The following DAB1 variants were observed in gnomAD, a reference collection of about 807,000 sequenced individuals.
The protein encoded by DAB1 is disabled homolog 1.
A neutral mutation model predicts 64.6 loss-of-function variants in DAB1; 15 were observed. The observed-to-expected ratio is 0.23, with a 90% CI of 0.16 to 0.36. The LOEUF is 0.36. Ranked by LOEUF, DAB1 falls within the 10% of genes least tolerant of loss-of-function variation. The pLI, the probability that DAB1 is intolerant of heterozygous loss-of-function variation, is 1.00. For missense variants in DAB1, 596 were observed against 706.7 expected (o/e 0.84, Z 1.78); for synonymous variants, 235 against 251.9 (o/e 0.93, Z 0.64).
chr1:58,042,228 T>G (rs1312190517), intron 5 of DAB1, among the ~76,000 whole-genome samples: 3 of 152,240 alleles, frequency 2.0e-5, no homozygotes, highest in Non-Finnish European at 4.4e-5. Context: ...GGAAGCAAGT[T>G]CCTACTGAAC....
chr1:57,294,942 C>T (rs1402985115), intron 1 of DAB1, among the ~76,000 whole-genome samples: 1 of 152,102 alleles, frequency 6.6e-6, no homozygotes, highest in Non-Finnish European at 1.5e-5. Flanking sequence ...CGTGGATGAA[C>T]CCTGAAAACA....
chr1:57,566,211 T>C (rs1345970632), intron 7 of DAB1, among the ~76,000 whole-genome samples: 1 of 152,192 alleles, frequency 6.6e-6, no homozygotes, highest in African/African-American at 2.4e-5. Context: ...GAAATAAAGA[T>C]GTTCTTTGAA....
At chr1:57,394,167 C>T (rs1682620388) in intron 1 of DAB1, among the ~76,000 whole-genome samples, 1 of 152,198 alleles carries the variant, frequency 6.6e-6, no homozygotes, top group South Asian at 2.1e-4. Flanking sequence ...TTATTAGAGC[C>T]AACACAGGCA....
chr1:58,296,836 G>C (rs149820468), intron 4 of DAB1, among the ~76,000 whole-genome samples: 23 of 152,146 alleles, frequency 1.5e-4, no homozygotes, highest in African/African-American at 5.3e-4. Flanking sequence ...GTTTACCTTG[G>C]GCAAATTATT....
At chr1:57,154,503 A>C (rs543725860) in intron 2 of DAB1, among the ~76,000 whole-genome samples, 1 of 152,238 alleles carries the variant, frequency 6.6e-6, no homozygotes, top group Non-Finnish European at 1.5e-5. Context: ...TGCAACAAAC[A>C]TGAGAGTGCA....
At chr1:57,207,632 A>G (rs1195188437) in intron 2 of DAB1, among the ~76,000 whole-genome samples, 1 of 148,906 alleles carries the variant, frequency 6.7e-6, no homozygotes, top group East Asian at 2.0e-4. Context: ...TTTAGTAGAG[A>G]CGGGGTTTCA....
chr1:58,204,608 T>C (rs1037793160), intron 4 of DAB1, among the ~76,000 whole-genome samples: 10 of 152,130 alleles, frequency 6.6e-5, no homozygotes, highest in African/African-American at 2.2e-4. Flanking sequence ...AGAGAATCAA[T>C]AAAGTTCTTC....
intron 7 of DAB1, among the ~76,000 whole-genome samples, chr1:57,596,336 T>G (rs1300770753): frequency 6.6e-6 from 1 of 152,220 alleles, no homozygotes; most frequent in Admixed American, 6.5e-5. Flanking sequence ...CTGGGGAAGA[T>G]TTCTCTGTAT....
chr1:57,105,995 G>C (rs1369120467), intron 4 of DAB1, among the ~76,000 whole-genome samples: 1 of 152,114 alleles, frequency 6.6e-6, no homozygotes, highest in Non-Finnish European at 1.5e-5. Flanking sequence ...AGGCCAAGCA[G>C]ATCTCTTAAC....
chr1:58,160,109 G>C (rs1016560028), intron 4 of DAB1, among the ~76,000 whole-genome samples: 5 of 152,126 alleles, frequency 3.3e-5, no homozygotes, highest in Non-Finnish European at 7.3e-5. Context: ...TGGCAGGTAG[G>C]AACAAGAGGG....
intron 1 of DAB1, among the ~76,000 whole-genome samples, chr1:57,357,908 G>A (rs1461065381): frequency 1.3e-5 from 2 of 151,822 alleles, no homozygotes; most frequent in African/African-American, 4.8e-5. Context: ...TGGGGATTAC[G>A]GGAACTACAA....
chr1:58,459,596 G>A (rs1645223404), intron 3 of DAB1, among the ~76,000 whole-genome samples: 1 of 152,248 alleles, frequency 6.6e-6, no homozygotes, highest in Non-Finnish European at 1.5e-5. Flanking sequence ...AAAAATAAGA[G>A]TGCAGAGAGA....
intron 1 of DAB1, among the ~76,000 whole-genome samples, chr1:57,345,581 T>C (rs764510408): frequency 6.6e-6 from 1 of 152,206 alleles, no homozygotes; most frequent in Non-Finnish European, 1.5e-5. Context: ...CAACATCTAG[T>C]GCTCGGTTAT....
At chr1:57,024,172 C>T (rs1183204918) in intron 10 of DAB1, among the ~76,000 whole-genome samples, 1 of 152,000 alleles carries the variant, frequency 6.6e-6, no homozygotes, top group Admixed American at 6.5e-5. Context: ...CCTGGTGCCC[C>T]CCCGCCACAC....
intron 1 of DAB1, among the ~76,000 whole-genome samples, chr1:57,363,894 C>T (rs1679754089): frequency 6.6e-6 from 1 of 152,194 alleles, no homozygotes; most frequent in Admixed American, 6.5e-5. Flanking sequence ...AGAATCACCC[C>T]ATCCTATATT....
At chr1:58,170,446 A>G (rs1259258135) in intron 4 of DAB1, among the ~76,000 whole-genome samples, 1 of 152,174 alleles carries the variant, frequency 6.6e-6, no homozygotes, top group Non-Finnish European at 1.5e-5. Context: ...AGATATCAGA[A>G]GAAAGCTCCA....
chr1:58,409,440 T>G (rs955212968), intron 3 of DAB1, among the ~76,000 whole-genome samples: 12 of 152,176 alleles, frequency 7.9e-5, no homozygotes, highest in African/African-American at 2.7e-4. Flanking sequence ...ATTTTCAGCT[T>G]TAGGTAAGGA....
At chr1:57,582,762 C>T (rs1468988249) in intron 7 of DAB1, among the ~76,000 whole-genome samples, 2 of 152,218 alleles carry the variant, frequency 1.3e-5, no homozygotes, top group African/African-American at 2.4e-5. Context: ...TGACAAGATC[C>T]TGACTTGGTT....
At chr1:57,172,086 G>T (rs772493064) in intron 2 of DAB1, among the ~76,000 whole-genome samples, 1 of 152,092 alleles carries the variant, frequency 6.6e-6, no homozygotes, top group Non-Finnish European at 1.5e-5. Context: ...ACATTATCCT[G>T]ATCTCTGCTA....
Sources: gnomAD v4.1 joint callset for allele counts (sites outside exome capture counted in the v4.1 genomes callset) on GRCh38, gnomAD v4.1.1 for gene constraint, MANE v1.5 for transcripts, NCBI Gene and HGNC (gene_info 2026-07-23, HGNC 2026-07-21) for gene names.